ARHGAP32: variants seen among roughly 807,000 people sequenced by gnomAD.
ARHGAP32 encodes rho GTPase-activating protein 32.
A neutral mutation model predicts 186.5 loss-of-function variants in ARHGAP32; 51 were observed. The ratio of observed to expected loss-of-function variants is 0.27; its 90% CI spans 0.22 to 0.35. The LOEUF (loss-of-function observed/expected upper bound fraction) is 0.35. Ranked by LOEUF, ARHGAP32 falls within the 10% of genes least tolerant of loss-of-function variation. ARHGAP32 has a pLI of 1.00. For missense variants in ARHGAP32, 2,186 were observed against 2,623.5 expected, an observed-to-expected ratio of 0.83 and a Z score of 3.64; for synonymous variants, 950 against 964.3, an observed-to-expected ratio of 0.99 and a Z score of 0.27.
chr11:129,111,414 T>C (rs1436207073), intron 5 of ARHGAP32, among the ~76,000 whole-genome samples: 1 of 152,196 alleles, frequency 6.6e-6, no homozygotes, highest in African/African-American at 2.4e-5. Context: ...GCTGGCCTCA[T>C]AGAATGAGTT....
chr11:129,106,350 G>GA (rs996017230), intron 5 of ARHGAP32, among the ~76,000 whole-genome samples: 13 of 152,056 alleles, frequency 8.5e-5, no homozygotes, highest in Admixed American at 5.9e-4. Context: ...CTATAAAAAA[G>GA]AAAAAACCAC....
chr11:129,114,751 C>G (rs578151623), intron 5 of ARHGAP32, among the ~76,000 whole-genome samples: 11 of 152,154 alleles, frequency 7.2e-5, no homozygotes, highest in Middle Eastern at 6.8e-3. Context: ...TTCCAAATCC[C>G]ACATTTCTAA....
intron 1 of ARHGAP32, among the ~76,000 whole-genome samples, chr11:129,170,562 T>G (rs186844830): frequency 4.6e-5 from 7 of 152,344 alleles, no homozygotes; most frequent in African/African-American, 1.7e-4. Flanking sequence ...TACCACATTT[T>G]CTTTATCCAG....
At chr11:129,216,684 A>T (rs1944651627) in intron 1 of ARHGAP32, among the ~76,000 whole-genome samples, 2 of 147,300 alleles carry the variant, frequency 1.4e-5, no homozygotes, top group South Asian at 4.3e-4. Context: ...AAAAAAAAAA[A>T]AAAAAAAAAG....
intron 1 of ARHGAP32, among the ~76,000 whole-genome samples, chr11:129,179,695 CA>C (rs1364289871): frequency 6.7e-6 from 1 of 150,046 alleles, no homozygotes; most frequent in East Asian, 2.0e-4. Context: ...ATCTCAAGAA[CA>C]AAAAACCAAA....
At chr11:129,067,567 C>T (rs1367901941) in intron 6 of ARHGAP32, among the ~76,000 whole-genome samples, 1 of 152,172 alleles carries the variant, frequency 6.6e-6, no homozygotes, top group African/African-American at 2.4e-5. Flanking sequence ...TGCCTTTGAA[C>T]TCCTCCCCTG....
At chr11:129,159,117 T>G (rs188143455) in intron 2 of ARHGAP32, among the ~76,000 whole-genome samples, 8 of 152,224 alleles carry the variant, frequency 5.3e-5, no homozygotes, top group Admixed American at 3.3e-4. Context: ...AGATCTAAAA[T>G]TGGTACCCTA....
Position 129,066,809 on chromosome 11 carries a change from A to C in ARHGAP32, c.591T>G (p.Leu197=). ...YEDFRVLDKH[L]HLCIYDRRFS... is the part of the protein sequence containing the mutation. ...ATCTTCGGTCATAAATACACAGATG[A>C]AGATGTTTATCAAGTACCCGAAAAT... is the stretch of plus-strand genomic sequence containing the variant. The change falls in exon 7 of 23, where the codon CTT becomes CTG. Residue 197 remains leucine (L), a synonymous_variant. Coordinates refer to ENST00000682385, the MANE Select transcript of ARHGAP32 (RefSeq NM_001378024.1). 6.2e-7 allele frequency: 1 copy of C among 1,612,244 alleles called. No individual in the cohort carries two copies. The highest frequency in any genetic ancestry group is 8.5e-7 in the Non-Finnish European group (1 of 1,178,904).
intron 2 of ARHGAP32, among the ~76,000 whole-genome samples, chr11:129,154,279 A>G (rs937194061): frequency 1.3e-5 from 2 of 152,220 alleles, no homozygotes; most frequent in South Asian, 4.1e-4. Context: ...TACATTGCTG[A>G]TGGGAATGTA....
intron 6 of ARHGAP32, among the ~76,000 whole-genome samples, chr11:129,082,600 A>C (rs951647441): frequency 6.6e-6 from 1 of 152,178 alleles, no homozygotes; most frequent in East Asian, 1.9e-4. Flanking sequence ...ACATCAACTC[A>C]AGATGAATCA....
intron 2 of ARHGAP32, chr11:129,125,973 G>T: frequency 2.3e-6 from 1 of 428,322 alleles, no homozygotes; most frequent in Non-Finnish European, 4.6e-6. Flanking sequence ...CGGATTCAAT[G>T]AAACTTTTTA....
At chr11:129,067,617 C>T (rs754883602) in intron 6 of ARHGAP32, among the ~76,000 whole-genome samples, 7 of 151,714 alleles carry the variant, frequency 4.6e-5, no homozygotes, top group Non-Finnish European at 8.8e-5. Flanking sequence ...CAGCTCACAC[C>T]GCAACAACAA....
At chr11:129,260,485 A>G (rs1370438870) in intron 1 of ARHGAP32, among the ~76,000 whole-genome samples, 1 of 152,178 alleles carries the variant, frequency 6.6e-6, no homozygotes, top group Non-Finnish European at 1.5e-5. Context: ...GATAATAAAT[A>G]TATTTAAATA....
At chr11:129,127,407 G>T (rs528752329) in intron 2 of ARHGAP32, among the ~76,000 whole-genome samples, 1 of 152,286 alleles carries the variant, frequency 6.6e-6, no homozygotes, top group Non-Finnish European at 1.5e-5. Flanking sequence ...AGTTCAACTA[G>T]TCTGTGCCCA....
intron 6 of ARHGAP32, among the ~76,000 whole-genome samples, chr11:129,089,560 G>A (rs1274194414): frequency 1.3e-5 from 2 of 152,288 alleles, no homozygotes; most frequent in African/African-American, 4.8e-5. Context: ...CACAGCATGC[G>A]AGTGAGGAGG....
intron 20 of ARHGAP32, 148 bp from the exon 21 acceptor site, chr11:128,975,150 C>T (rs1591488883): frequency 1.5e-6 from 1 of 645,826 alleles, no homozygotes; most frequent in South Asian, 2.1e-5. Context: ...TTTCAGTGCA[C>T]ACAGATCATT....
chr11:129,126,712 T>C (rs1158470605), intron 2 of ARHGAP32, among the ~76,000 whole-genome samples: 1 of 152,110 alleles, frequency 6.6e-6, no homozygotes, highest in Non-Finnish European at 1.5e-5. Flanking sequence ...TAGTATTGAG[T>C]ATTAAGAATT....
chr11:129,110,670 A>G (rs755928952), intron 5 of ARHGAP32, among the ~76,000 whole-genome samples: 1 of 152,096 alleles, frequency 6.6e-6, no homozygotes, highest in Non-Finnish European at 1.5e-5. Flanking sequence ...GGTTAAATTT[A>G]TTCCTAGGTT....
intron 1 of ARHGAP32, among the ~76,000 whole-genome samples, chr11:129,242,682 C>CA (rs1565478364): frequency 1.3e-5 from 2 of 150,498 alleles, no homozygotes. Context: ...CACACCACTG[C>CA]ACTCCAGCCT....
Sources: allele counts gnomAD v4.1 joint callset (sites outside exome capture counted in the v4.1 genomes callset), GRCh38; gene constraint gnomAD v4.1.1; transcripts MANE v1.5; gene names NCBI Gene and HGNC (gene_info 2026-07-23, HGNC 2026-07-21).